Variants in PDE3B observed in about 807,000 individuals in gnomAD.
PDE3B encodes the protein cGMP-inhibited 3',5'-cyclic phosphodiesterase 3B.
In PDE3B, 66 loss-of-function variants were observed where a neutral mutation model predicts 116.8. That is an observed-to-expected ratio of 0.56 (90% CI 0.46 to 0.69). The LOEUF is 0.69. Among genes scored for constraint, PDE3B ranks in the 30% least tolerant of loss-of-function variants. The probability of loss-of-function intolerance (pLI) is 0.00; values close to 1 mark genes in which losing one functional copy is unlikely to be tolerated. For synonymous variants in PDE3B, 595 were observed against 533.6 expected (o/e 1.12, Z -1.59); for missense variants, 1,384 against 1,368.1 (o/e 1.01, Z -0.18).
chr11:14,840,510 G>A (rs1048291597), intron 11 of PDE3B, among the ~76,000 whole-genome samples: 35 of 152,192 alleles, frequency 2.3e-4, no homozygotes, highest in African/African-American at 7.0e-4. Flanking sequence ...AGACTTCCAT[G>A]ACATTTATTC....
chr11:14,887,014 C>A, the PDE3B span: 1 of 152,218 alleles, frequency 6.6e-6, no homozygotes, highest in South Asian at 2.1e-4. Context: ...CATGGACTGC[C>A]TGCCATAAGC....
the PDE3B span, among the ~76,000 whole-genome samples, chr11:14,892,631 C>A: frequency 8.5e-5 from 13 of 152,308 alleles, no homozygotes; most frequent in African/African-American, 3.1e-4. Flanking sequence ...GAGAGATGAT[C>A]AACACTGCAG....
chr11:14,827,342 T>G (rs1859728443), intron 7 of PDE3B, among the ~76,000 whole-genome samples: 1 of 152,072 alleles, frequency 6.6e-6, no homozygotes, highest in Non-Finnish European at 1.5e-5. Context: ...GAGAAAGAAA[T>G]AAAGGGCATC....
Position 14,705,410 on chromosome 11 carries a change from A to G in PDE3B, c.978+60357A>G, listed in dbSNP as rs138793138. Among the ~76,000 whole-genome samples the G allele has an allele frequency of 2.0e-3, 309 of 151,972 alleles. 1 individual carries two copies. The highest frequency in any genetic ancestry group is 3.7e-3 in the Admixed American group (57 of 15,216). On this transcript the variant is annotated intron_variant, in intron 1 of 15. Transcript: ENST00000282096. ...CCACATACAATATATTCTGTATAAT[A>G]TCATTTATATGAGATTTTAGAAATC...
At position 14,742,767 on chromosome 11, in the gene PDE3B, G is replaced by A. The variant is rs940523650; in HGVS notation, c.979-29170G>A. On this transcript the variant is annotated intron_variant, in intron 1 of 15. Transcript: ENST00000282096. ...TTGGTGACCTCTGGATGGGGTCTTT[G>A]AGTGGACATGCGATTTCTTTCTGCT... is the stretch of plus-strand genomic sequence containing the variant. 8.5e-5 allele frequency among the ~76,000 whole-genome samples: 13 copies of A among 152,108 alleles called. No individual in the cohort carries two copies. The South Asian group carries it at 2.7e-3, about 32-fold the overall frequency.
At position 14,644,295 on chromosome 11, in the gene PDE3B, C is replaced by G. The variant is rs1301638987; in HGVS notation, c.220C>G (p.Pro74Ala). ...TCCCCAGCAGCCGCGGCGCTGCTCC[C>G]CCTTCTGCCGGGCGCGCCTCTCGCT... Reference protein sequence around the residue: ...ASPQQPRRCSPFCRARLSLGA... With the variant: ...ASPQQPRRCSAFCRARLSLGA... The change falls in exon 1 of 16, where the codon CCC becomes GCC. Residue 74 changes from proline (P) to alanine (A), a missense_variant. By Grantham distance (27) the Pro-to-Ala change is conservative. Transcript: ENST00000282096. The G allele has an allele frequency of 2.6e-6, 4 of 1,565,372 alleles. No homozygotes were observed. The East Asian group carries it at 9.6e-5, about 38-fold the overall frequency.
intron 1 of PDE3B, among the ~76,000 whole-genome samples, chr11:14,669,180 T>G (rs760962945): frequency 1.3e-5 from 2 of 152,134 alleles, no homozygotes; most frequent in Non-Finnish European, 2.9e-5. Context: ...TAGAGATTCA[T>G]TTGAAAGAAG....
chr11:14,884,213 T>A, the PDE3B span, among the ~76,000 whole-genome samples: 1 of 151,944 alleles, frequency 6.6e-6, no homozygotes, highest in Non-Finnish European at 1.5e-5. Context: ...ATCATGCTGC[T>A]ATAAAGACAC....
At chr11:14,669,623 C>A (rs976200776) in intron 1 of PDE3B, among the ~76,000 whole-genome samples, 6 of 142,968 alleles carry the variant, frequency 4.2e-5, no homozygotes, top group Admixed American at 7.0e-5. Flanking sequence ...CCCCTCACCC[C>A]ACGACAGGCC....
chr11:14,834,654 C>A (rs565659667), intron 10 of PDE3B, among the ~76,000 whole-genome samples: 1 of 152,284 alleles, frequency 6.6e-6, no homozygotes, highest in Admixed American at 6.5e-5. Context: ...GTTTTGTGTG[C>A]AAACATGGGT....
At chr11:14,832,695 G>A (rs1859926289) in intron 9 of PDE3B, 27 bp from the exon 10 acceptor site, 3 of 854,832 alleles carry the variant, frequency 3.5e-6, no homozygotes, top group East Asian at 5.5e-5. Context: ...GATTTTTAAA[G>A]TAAACTTTAT....
chr11:14,665,018 A>G (rs1311083759), intron 1 of PDE3B, among the ~76,000 whole-genome samples: 1 of 152,378 alleles, frequency 6.6e-6, no homozygotes, highest in African/African-American at 2.4e-5. Context: ...AAAATCCTCA[A>G]TAAAATACTG....
chr11:14,798,047 G>A (rs1387614989), intron 4 of PDE3B, among the ~76,000 whole-genome samples: 4 of 152,170 alleles, frequency 2.6e-5, no homozygotes, highest in Non-Finnish European at 5.9e-5. Context: ...TGCCTATTCA[G>A]TATGATATTG....
intron 12 of PDE3B, among the ~76,000 whole-genome samples, chr11:14,856,727 A>G (rs1223599202): frequency 1.3e-5 from 2 of 151,744 alleles, no homozygotes; most frequent in African/African-American, 4.8e-5. Flanking sequence ...GGTGGCGGGC[A>G]CCCGTAGTCC....
chr11:14,831,536 TACTG>T lies in PDE3B; in HGVS notation c.1957-100_1957-97del, dbSNP rs1415963355. The T allele has an allele frequency of 1.9e-5, 11 of 589,398 alleles. No individual in the cohort carries two copies. In the Admixed American group the frequency reaches 4.2e-4, roughly 22 times the overall value. 36.5% of individuals were successfully genotyped at this position (589,398 alleles called of 1,614,324 possible). ...TAAGAATAACCATTATAGAAAATAG[TACTG>T]ACTTTTTTAAATGTTTAATCCTAAG... is the stretch of plus-strand genomic sequence containing the variant. On this transcript the variant is annotated intron_variant, in intron 8 of 15. Coordinates refer to ENST00000282096, the MANE Select transcript of PDE3B (RefSeq NM_000922.4).
chr11:14,886,414 A>G, the PDE3B span: 2 of 162,412 alleles, frequency 1.2e-5, no homozygotes, highest in Admixed American at 1.2e-4. Context: ...TGAAGTATAA[A>G]CATATTGTAA....
intron 1 of PDE3B, among the ~76,000 whole-genome samples, chr11:14,711,990 G>A (rs1228464583): frequency 1.3e-5 from 2 of 152,194 alleles, no homozygotes; most frequent in African/African-American, 4.8e-5. Context: ...TATGGCCTGA[G>A]AAGCTAAGAA....
At chr11:14,842,277 C>T (rs575340510) in intron 11 of PDE3B, among the ~76,000 whole-genome samples, 178 of 152,208 alleles carry the variant, frequency 1.2e-3, no homozygotes, top group African/African-American at 4.0e-3. Flanking sequence ...TGTTTCATTG[C>T]CCTTGCCAAC....
chr11:14,723,781 A>C (rs1264418212), intron 1 of PDE3B, among the ~76,000 whole-genome samples: 2 of 152,088 alleles, frequency 1.3e-5, no homozygotes, highest in African/African-American at 4.8e-5. Context: ...AACAAAAACC[A>C]GTAAAAGCAA....
Sources: gnomAD v4.1 joint callset for allele counts (sites outside exome capture counted in the v4.1 genomes callset) on GRCh38, gnomAD v4.1.1 for gene constraint, MANE v1.5 for transcripts, NCBI Gene and HGNC (gene_info 2026-07-23, HGNC 2026-07-21) for gene names.